The following TTC7B variants were observed in gnomAD, a reference collection of about 807,000 sequenced individuals.
TTC7B encodes the protein tetratricopeptide repeat protein 7B.
In TTC7B, 28 loss-of-function variants were observed where a neutral mutation model predicts 106.8. The observed-to-expected ratio is 0.26, with a 90% CI of 0.19 to 0.36. The LOEUF is 0.36. TTC7B is among the 10% of genes least tolerant of loss of function. The pLI, the probability that TTC7B is intolerant of heterozygous loss-of-function variation, is 1.00. For missense variants in TTC7B, 862 were observed against 1,076.4 expected (o/e 0.80, Z 2.79); for synonymous variants, 405 against 430.6 (o/e 0.94, Z 0.74).
rs1287405168 is a variant in TTC7B, at chr14:90,538,671, T to A, written c.*2697A>T. On this transcript the variant is annotated 3_prime_UTR_variant, in exon 20 of 20. Transcript: ENST00000328459. ...AGAATATGAGGTGGGTGAGTGGGAT[T>A]AAGGTGGGGGACTGAGGAGTCTGGA... 6.6e-6 allele frequency: 1 copy of A among 151,988 alleles called. No individual in the cohort carries two copies. Among genetic ancestry groups the A allele is most frequent in the Non-Finnish European group, 1.5e-5 (1 of 68,008 alleles). The allele number at this position is 151,988 out of a possible 1,614,324, so 9.4% of individuals were successfully genotyped here.
At chr14:90,661,879 T>C (rs769653128) in intron 9 of TTC7B, among the ~76,000 whole-genome samples, 1 of 152,240 alleles carries the variant, frequency 6.6e-6, no homozygotes, top group Non-Finnish European at 1.5e-5. Context: ...TAAATAAGTA[T>C]GCACCCTTCT....
At position 90,805,946 on chromosome 14, in the gene TTC7B, T is replaced by G. The variant is rs992557398; in HGVS notation, c.121+10229A>C. Among the ~76,000 whole-genome samples, 21 of 152,148 alleles carry G rather than the reference T, an allele frequency of 1.4e-4. No individual in the cohort carries two copies. The highest frequency in any genetic ancestry group is 2.2e-4 in the Non-Finnish European group (15 of 68,028). On this transcript the variant is annotated intron_variant, in intron 1 of 19. Transcript: ENST00000328459. This position sits in a 1 kb window ranked among gnomAD's most constrained non-coding sequence, Gnocchi z 4.0. ...CTGCCCTTCCTCCTGGTTCCTCCCA[T>G]GCAGGATAAGCAGCTGACATGCAAA...
At chr14:90,721,038 T>C (rs1381015518) in intron 5 of TTC7B, among the ~76,000 whole-genome samples, 2 of 152,294 alleles carry the variant, frequency 1.3e-5, no homozygotes, top group South Asian at 2.1e-4. Context: ...TGTCAAGGAA[T>C]TCCAGTTTCT....
intron 16 of TTC7B, among the ~76,000 whole-genome samples, chr14:90,614,929 A>T (rs974837608): frequency 6.6e-6 from 1 of 152,232 alleles, no homozygotes; most frequent in Non-Finnish European, 1.5e-5. Context: ...AATATGCACA[A>T]GGACTGAGGG....
intron 19 of TTC7B, chr14:90,569,493 C>T (rs922663479): frequency 1.3e-5 from 2 of 152,228 alleles, no homozygotes; most frequent in African/African-American, 4.8e-5. Flanking sequence ...TGATGTCTAG[C>T]CTAGAGGGCA....
At position 90,755,053 on chromosome 14, in the gene TTC7B, A is replaced by G. The variant is rs190877577; in HGVS notation, c.446-10131T>C. ...TAACTCAAAACCTTCCTTCCTTTCTATTGCCGAATAATATTCCATTATACG... is the reference window on the plus strand; with the variant it reads ...TAACTCAAAACCTTCCTTCCTTTCTGTTGCCGAATAATATTCCATTATACG... On this transcript the variant is annotated intron_variant, in intron 3 of 19. Coordinates refer to ENST00000328459, the MANE Select transcript of TTC7B (RefSeq NM_001010854.2). 3.2e-3 allele frequency among the ~76,000 whole-genome samples: 492 copies of G among 152,238 alleles called. 1 individual carries two copies. The highest frequency in any genetic ancestry group is 6.8e-3 in the Middle Eastern group (2 of 294).
Position 90,624,033 on chromosome 14 carries a change from A to G in TTC7B, c.1752-5988T>C, listed in dbSNP as rs1566804494. On this transcript the variant is annotated intron_variant, in intron 15 of 19. Coordinates refer to ENST00000328459, the MANE Select transcript of TTC7B (RefSeq NM_001010854.2). This position sits in a 1 kb window ranked among gnomAD's most constrained non-coding sequence, Gnocchi z 4.0. Reference sequence around the variant, plus strand: ...CAGACTCTGTCTCAAACAACAAAACAAAAACAAAACAAAACAAAACCCATG... The same window carrying G: ...CAGACTCTGTCTCAAACAACAAAACGAAAACAAAACAAAACAAAACCCATG... Among the ~76,000 whole-genome samples, 1 of 152,152 alleles carries G rather than the reference A, an allele frequency of 6.6e-6. No homozygotes were observed. Among genetic ancestry groups the G allele is most frequent in the African/African-American group, 2.4e-5 (1 of 41,438 alleles).
intron 3 of TTC7B, among the ~76,000 whole-genome samples, chr14:90,755,077 C>T (rs761944976): frequency 4.6e-5 from 7 of 152,290 alleles, no homozygotes; most frequent in South Asian, 2.1e-4. Context: ...TTCCATTATA[C>T]GGATACACCA....
chr14:90,611,128 A>G (rs2296396), intron 16 of TTC7B, among the ~76,000 whole-genome samples: 18,944 of 152,026 alleles, frequency 0.12, 1,223 homozygotes, highest in South Asian at 0.19. Flanking sequence ...TTGAAGCTTC[A>G]TTTTCCATCC....
chr14:90,748,029 G>T (rs1309490409), intron 3 of TTC7B, among the ~76,000 whole-genome samples: 1 of 151,914 alleles, frequency 6.6e-6, no homozygotes, highest in Admixed American at 6.6e-5. Flanking sequence ...TATTTAAAGT[G>T]TATTTCTTGT....
rs1344261406 is a variant in TTC7B, at chr14:90,769,671, A to T, written c.445+11067T>A. 3.3e-5 allele frequency among the ~76,000 whole-genome samples: 5 copies of T among 152,314 alleles called. No homozygotes were observed. In the East Asian group the frequency reaches 9.7e-4, roughly 29 times the overall value. ...TTAGTCCCAGCTACTCGGGAGGCTG[A>T]GGCAAGAGGATCACTTGAACTCAGG... is the stretch of plus-strand genomic sequence containing the variant. On this transcript the variant is annotated intron_variant, in intron 3 of 19. Transcript: ENST00000328459.
intron 3 of TTC7B, among the ~76,000 whole-genome samples, chr14:90,750,667 A>G (rs1890108228): frequency 6.6e-6 from 1 of 152,240 alleles, no homozygotes; most frequent in Non-Finnish European, 1.5e-5. Context: ...GTGGACACTC[A>G]AAGTCTCAGC....
At chr14:90,552,455 G>C (rs1265877726) in intron 19 of TTC7B, among the ~76,000 whole-genome samples, 1 of 152,216 alleles carries the variant, frequency 6.6e-6, no homozygotes, top group Non-Finnish European at 1.5e-5. Flanking sequence ...CACAGCAGGT[G>C]GCCGGAGCCT....
rs1373759439 is a variant in TTC7B, at chr14:90,808,349, C to T, written c.121+7826G>A. ...CAAGAAATGCAGTTCATTCTTCTTC[C>T]CTGCTAGCACTATTTTAACACTCAT... On this transcript the variant is annotated intron_variant, in intron 1 of 19. Coordinates refer to ENST00000328459, the MANE Select transcript of TTC7B (RefSeq NM_001010854.2). This position sits in a 1 kb window ranked among gnomAD's most constrained non-coding sequence, Gnocchi z 4.2. Among the ~76,000 whole-genome samples the T allele has an allele frequency of 6.6e-6, 1 of 152,164 alleles. No individual in the cohort carries two copies. The highest frequency in any genetic ancestry group is 6.5e-5 in the Admixed American group (1 of 15,288).
At position 90,532,606 on chromosome 14, in the gene TTC7B, G is replaced by C. The variant is rs960455133; in HGVS notation, c.*8762C>G. On this transcript the variant is annotated 3_prime_UTR_variant, in exon 20 of 20. Coordinates refer to ENST00000328459, the MANE Select transcript of TTC7B (RefSeq NM_001010854.2). The stretch of plus-strand genomic sequence containing the variant: ...GCCAATCTAAAGTAACCCTCCCCCT[G>C]TCACTTCAAATTTGCTCTAATCATC... 1.3e-5 allele frequency: 2 copies of C among 152,180 alleles called. No homozygotes were observed. The highest frequency in any genetic ancestry group is 2.9e-5 in the Non-Finnish European group (2 of 68,060). 9.4% of individuals were successfully genotyped at this position (152,180 alleles called of 1,614,324 possible).
At chr14:90,543,796 G>A (rs934092919) in intron 19 of TTC7B, among the ~76,000 whole-genome samples, 14 of 152,088 alleles carry the variant, frequency 9.2e-5, no homozygotes, top group African/African-American at 2.2e-4. Flanking sequence ...CCTTGCCCTC[G>A]CTTTAGGCAG....
chr14:90,642,398 C>T (rs952903399), intron 15 of TTC7B, among the ~76,000 whole-genome samples: 1 of 152,182 alleles, frequency 6.6e-6, no homozygotes, highest in Admixed American at 6.5e-5. Context: ...GGTGATGAGG[C>T]AGTGAAATAA....
intron 16 of TTC7B, among the ~76,000 whole-genome samples, chr14:90,613,843 A>G (rs1892965812): frequency 6.6e-6 from 1 of 152,262 alleles, no homozygotes; most frequent in Admixed American, 6.5e-5. Flanking sequence ...TAAGCGGGAG[A>G]TGCCCACATG....
chr14:90,600,516 G>C lies in TTC7B; in HGVS notation c.1967-6890C>G, dbSNP rs368245855. On this transcript the variant is annotated intron_variant, in intron 17 of 19. Transcript: ENST00000328459. This position sits in a 1 kb window ranked among gnomAD's most constrained non-coding sequence, Gnocchi z 4.3. Reference sequence around the variant, plus strand: ...TCCATTTTTCACCAAGTGAAAAAAGGATTAAGACTCATAGCCCCAAGACGG... The same window carrying C: ...TCCATTTTTCACCAAGTGAAAAAAGCATTAAGACTCATAGCCCCAAGACGG... Among the ~76,000 whole-genome samples the C allele has an allele frequency of 2.6e-5, 4 of 152,312 alleles. No individual in the cohort carries two copies. The East Asian group carries it at 7.7e-4, about 29-fold the overall frequency.
Sources: gnomAD v4.1 joint callset for allele counts (sites outside exome capture counted in the v4.1 genomes callset) on GRCh38, gnomAD v4.1.1 for gene constraint, Gnocchi (gnomAD v3.1) non-coding constraint, MANE v1.5 for transcripts, NCBI Gene and HGNC (gene_info 2026-07-23, HGNC 2026-07-21) for gene names.